ZNF143: variants seen among roughly 807,000 people sequenced by gnomAD.
The protein encoded by ZNF143 is SPH-binding factor.
A neutral mutation model predicts 74.1 loss-of-function variants in ZNF143; 49 were observed. The ratio of observed to expected loss-of-function variants is 0.66; its 90% CI spans 0.53 to 0.84. The LOEUF (loss-of-function observed/expected upper bound fraction) is 0.84, where lower values mean the gene tolerates loss of function less well. Among genes scored for constraint, ZNF143 ranks in the 40% least tolerant of loss-of-function variants. The pLI is 0.00. For missense variants in ZNF143, 637 were observed against 793.4 expected (o/e 0.80, Z 2.37); for synonymous variants, 304 against 282.8 (o/e 1.07, Z -0.75).
Position 9,483,358 on chromosome 11 carries a change from C to T in ZNF143, c.645+3812C>T, listed in dbSNP as rs375452990. On this transcript the variant is annotated intron_variant, in intron 7 of 15. Coordinates refer to ENST00000396602, the MANE Select transcript of ZNF143 (RefSeq NM_003442.6). ...TGTCACCCAGACTGGAGTGCAGTGG[C>T]GCGATCTCAGCTCACTACAACCTCC... Among the ~76,000 whole-genome samples the T allele has an allele frequency of 1.8e-3, 209 of 117,824 alleles. 6 individuals carry two copies. Among genetic ancestry groups the T allele is most frequent in the African/African-American group, 6.2e-3 (180 of 28,830 alleles). The allele number at this position is 117,824 out of a possible 152,430, so 77.3% of individuals were successfully genotyped here.
At chr11:9,502,897 C>T (rs1848219109) in intron 11 of ZNF143, among the ~76,000 whole-genome samples, 2 of 152,234 alleles carry the variant, frequency 1.3e-5, no homozygotes, top group South Asian at 2.1e-4. Context: ...GTGGCGCAAT[C>T]TCGGCTCACT....
Position 9,474,539 on chromosome 11 carries a change from T to G in ZNF143, c.290-11T>G, listed in dbSNP as rs1856771052. On this transcript the variant is annotated splice_polypyrimidine_tract_variant and intron_variant, in intron 4 of 15. Transcript: ENST00000396602. ...AAAACATGAGATCTAAATGTAAGCA[T>G]TGTTCTTGAGCAGGGGACAGTTTGC... 1.9e-6 allele frequency: 3 copies of G among 1,613,918 alleles called. No homozygotes were observed. The highest frequency in any genetic ancestry group is 2.5e-6 in the Non-Finnish European group (3 of 1,179,936).
At position 9,474,625 on chromosome 11, in the gene ZNF143, C is replaced by G. The variant is rs1214855406; in HGVS notation, c.365C>G (p.Thr122Ser). 1.4e-5 allele frequency: 23 copies of G among 1,613,836 alleles called. No homozygotes were observed. In the South Asian group the frequency reaches 1.8e-4, roughly 12 times the overall value. The change falls in exon 5 of 16, where the codon ACC becomes AGC. Residue 122 changes from threonine (T) to serine (S), a missense_variant. Transcript: ENST00000396602. ...EDGTTAFIHH[T>S]SKDSYDQSAL... ...GGTACCACAGCATTTATTCACCACA[C>G]CTCCAAAGGTAAAATAACTTTGAAA...
intron 7 of ZNF143, among the ~76,000 whole-genome samples, chr11:9,487,652 C>T (rs561587306): frequency 1.9e-4 from 29 of 152,280 alleles, no homozygotes; most frequent in African/African-American, 5.5e-4. Flanking sequence ...CCACCACGCC[C>T]GGCCAAGGTT....
Position 9,528,079 on chromosome 11 carries a change from C to G in ZNF143, c.*466C>G, listed in dbSNP as rs1437614917. The stretch of plus-strand genomic sequence containing the variant: ...GATATTTCCCCAGTTAGTAGAGTGT[C>G]TGCGGTTTTTGTTCTACTATATGCT... On this transcript the variant is annotated 3_prime_UTR_variant, in exon 16 of 16. Transcript: ENST00000396602. The G allele has an allele frequency of 2.0e-5, 3 of 153,088 alleles. No homozygotes were observed. Among genetic ancestry groups the G allele is most frequent in the East Asian group, 3.8e-4 (2 of 5,208 alleles). The allele number at this position is 153,088 out of a possible 1,614,324, so 9.5% of individuals were successfully genotyped here.
intron 5 of ZNF143, among the ~76,000 whole-genome samples, chr11:9,475,296 C>G (rs1416776635): frequency 6.6e-6 from 1 of 152,022 alleles, no homozygotes; most frequent in East Asian, 1.9e-4. Context: ...GAGATAAGAT[C>G]TTTGTTAGGC....
intron 7 of ZNF143, among the ~76,000 whole-genome samples, chr11:9,490,294 C>CTTT (rs56672880): frequency 1.1e-3 from 106 of 94,000 alleles, no homozygotes; most frequent in African/African-American, 1.4e-3. Context: ...TTTTTTTTTG[C>CTTT]TTTTTTTTTT....
Position 9,471,419 on chromosome 11 carries a change from A to C in ZNF143, c.111A>C (p.Ala37=). 6.3e-7 allele frequency: 1 copy of C among 1,593,708 alleles called. No homozygotes were observed. The highest frequency in any genetic ancestry group is 2.3e-5 in the East Asian group (1 of 44,080). Residue 37 remains alanine, a splice_region_variant and synonymous_variant, in exon 2 of 16, where the codon GCA becomes GCC. Transcript: ENST00000396602. ...GCTTGACAGAGGCAGTCACCGTGGC[A>C]GGTGAGCAGTTGTGTTTGAAGGGAT... ...TLCLTEAVTV[A]DGDNLENMEG...
intron 7 of ZNF143, among the ~76,000 whole-genome samples, chr11:9,491,416 C>T (rs995334074): frequency 3.3e-5 from 5 of 151,954 alleles, no homozygotes; most frequent in African/African-American, 1.2e-4. Flanking sequence ...GCAGGCGGAT[C>T]ACGAGGTCAG....
At chr11:9,476,382 ATTTATTATTT>A (rs1459600200) in intron 5 of ZNF143, among the ~76,000 whole-genome samples, 4 of 151,982 alleles carry the variant, frequency 2.6e-5, no homozygotes, top group Non-Finnish European at 4.4e-5. Flanking sequence ...TAATTAATTA[ATTTATTATTT>A]TGAGACAGTC....
chr11:9,477,478 A>G (rs774448146), intron 5 of ZNF143, among the ~76,000 whole-genome samples: 4 of 151,930 alleles, frequency 2.6e-5, no homozygotes, highest in Non-Finnish European at 4.4e-5. Context: ...GATGGTCTCA[A>G]TCTCTTGACC....
Position 9,490,354 on chromosome 11 carries a change from A to G in ZNF143, c.646-4292A>G, listed in dbSNP as rs372744379. Among the ~76,000 whole-genome samples, 377 of 147,874 alleles carry G rather than the reference A, an allele frequency of 2.5e-3. 1 individual carries two copies. Among genetic ancestry groups the G allele is most frequent in the African/African-American group, 9.1e-3 (363 of 39,814 alleles). ...ACCCAGGCTGGGTGGCAGTGGCACA[A>G]TCTTGGCTCACTGCAGCCTCAACCT... On this transcript the variant is annotated intron_variant, in intron 7 of 15. Transcript: ENST00000396602.
chr11:9,474,105 A>G, intron 4 of ZNF143, 81 bp downstream of exon 4: 1 of 1,130,148 alleles, frequency 8.8e-7, no homozygotes. Flanking sequence ...CCCTCTTACT[A>G]CCTAAACTTG....
At chr11:9,461,139 C>G (rs1177918423) in intron 1 of ZNF143, 63 bp downstream of exon 1, 5 of 952,116 alleles carry the variant, frequency 5.3e-6, no homozygotes, top group African/African-American at 1.8e-5. Flanking sequence ...CCGCCCTCAG[C>G]GCGGCGGCGC....
At chr11:9,525,416 G>T (rs764416608) in intron 15 of ZNF143, 30 bp downstream of exon 15, 2 of 1,613,530 alleles carry the variant, frequency 1.2e-6, no homozygotes, top group Admixed American at 3.3e-5. Context: ...GTCCTCAGTC[G>T]ACAGCAGTGC....
chr11:9,523,940 C>G (rs570566968), intron 14 of ZNF143, among the ~76,000 whole-genome samples: 1 of 148,758 alleles, frequency 6.7e-6, no homozygotes, highest in South Asian at 2.1e-4. Context: ...CCCAGCTACT[C>G]GGGAGGCTGA....
chr11:9,469,240 C>CT (rs1856430238), intron 1 of ZNF143, among the ~76,000 whole-genome samples: 1 of 96,340 alleles, frequency 1.0e-5, no homozygotes, highest in African/African-American at 4.3e-5. Context: ...TTTTTTTTTA[C>CT]CACCCCCCCA....
At chr11:9,501,762 T>C (rs1363317544) in intron 11 of ZNF143, among the ~76,000 whole-genome samples, 2 of 151,924 alleles carry the variant, frequency 1.3e-5, no homozygotes, top group African/African-American at 4.8e-5. Context: ...TGATACTCAG[T>C]GGTTCCATAT....
intron 7 of ZNF143, among the ~76,000 whole-genome samples, chr11:9,483,674 GT>G (rs2133953297): frequency 6.6e-6 from 1 of 150,530 alleles, no homozygotes; most frequent in Non-Finnish European, 1.5e-5. Context: ...TGCAGTGTTG[GT>G]TCAAGTTATC....
Sources: allele counts gnomAD v4.1 joint callset (sites outside exome capture counted in the v4.1 genomes callset), GRCh38; gene constraint gnomAD v4.1.1; transcripts MANE v1.5; gene names NCBI Gene and HGNC (gene_info 2026-07-23, HGNC 2026-07-21).